Variants in SPOCK1 observed in about 807,000 individuals in gnomAD.
The protein encoded by SPOCK1 is testican-1.
SPOCK1 carries 23 observed loss-of-function variants against 55.3 expected under a neutral mutation model. The observed-to-expected ratio is 0.42, with a 90% confidence interval of 0.30 to 0.59. The LOEUF is 0.59. Among genes scored for constraint, SPOCK1 ranks in the 20% least tolerant of loss-of-function variants. The pLI is 0.22. For synonymous variants in SPOCK1, 226 were observed against 221.0 expected (o/e 1.02, Z -0.20); for missense variants, 499 against 552.5 (o/e 0.90, Z 0.97).
At chr5:136,985,715 G>A (rs1750827362) in intron 8 of SPOCK1, among the ~76,000 whole-genome samples, 2 of 152,172 alleles carry the variant, frequency 1.3e-5, no homozygotes. Context: ...GAAGAGATCT[G>A]GAGAAGCACT....
intron 3 of SPOCK1, among the ~76,000 whole-genome samples, chr5:137,205,106 T>G (rs1179595008): frequency 6.6e-6 from 1 of 152,188 alleles, no homozygotes; most frequent in African/African-American, 2.4e-5. Context: ...TTTTGCTTGT[T>G]TACCAGTTGA....
intron 5 of SPOCK1, among the ~76,000 whole-genome samples, chr5:137,111,469 C>T (rs566035476): frequency 3.5e-4 from 53 of 152,276 alleles, no homozygotes; most frequent in African/African-American, 1.2e-3. Context: ...CCCTGACACA[C>T]GCACCCATAC....
intron 5 of SPOCK1, among the ~76,000 whole-genome samples, chr5:137,096,418 C>T (rs1753148440): frequency 6.6e-6 from 1 of 152,160 alleles, no homozygotes; most frequent in African/African-American, 2.4e-5. Flanking sequence ...GTCTATGGAG[C>T]CCAGCCCTCC....
At chr5:137,421,250 G>T (rs1270019939) in intron 2 of SPOCK1, among the ~76,000 whole-genome samples, 6 of 152,184 alleles carry the variant, frequency 3.9e-5, no homozygotes, top group African/African-American at 1.4e-4. Context: ...GTGTGGTATG[G>T]TGCTGAGAAG....
chr5:137,207,761 A>G lies in SPOCK1; in HGVS notation c.232+59249T>C, dbSNP rs569252520. 7.9e-5 allele frequency among the ~76,000 whole-genome samples: 12 copies of G among 152,306 alleles called. 1 individual carries two copies. The South Asian group carries it at 2.3e-3, about 29-fold the overall frequency. ...GAGGGTTAAATAAGAGGATGCATGTAAAGTCTCAGCCCCGAGCCTGCTCTG... is the reference window on the plus strand; with the variant it reads ...GAGGGTTAAATAAGAGGATGCATGTGAAGTCTCAGCCCCGAGCCTGCTCTG... On this transcript the variant is annotated intron_variant, in intron 3 of 10. Transcript: ENST00000394945.
chr5:136,990,880 T>C (rs1750937092), intron 7 of SPOCK1, among the ~76,000 whole-genome samples: 1 of 152,144 alleles, frequency 6.6e-6, no homozygotes, highest in Admixed American at 6.5e-5. Context: ...TGCCTGCATC[T>C]TGACATCTGT....
chr5:136,977,035 A>G lies in SPOCK1; in HGVS notation c.*1619T>C, dbSNP rs1315162614. ...GCTGAAGTTCATGGGGGAAGGCAAG[A>G]GATAGATATGTGGGCCAGAGAGGCT... On this transcript the variant is annotated 3_prime_UTR_variant, in exon 11 of 11. Transcript: ENST00000394945. The G allele has an allele frequency of 2.0e-5, 3 of 152,262 alleles. No homozygotes were observed. The highest frequency in any genetic ancestry group is 4.4e-5 in the Non-Finnish European group (3 of 68,092). 9.4% of individuals were successfully genotyped at this position (152,262 alleles called of 1,614,324 possible).
At chr5:137,253,225 G>C (rs997920690) in intron 3 of SPOCK1, among the ~76,000 whole-genome samples, 1 of 152,200 alleles carries the variant, frequency 6.6e-6, no homozygotes, top group Non-Finnish European at 1.5e-5. Context: ...CAATAGGTTA[G>C]TTCTAAATTC....
chr5:137,434,666 A>AT (rs1196622655), intron 2 of SPOCK1, among the ~76,000 whole-genome samples: 96 of 146,398 alleles, frequency 6.6e-4, no homozygotes, highest in African/African-American at 1.4e-3. Context: ...CGCCCAGCTA[A>AT]TTTTTTTTTT....
intron 2 of SPOCK1, among the ~76,000 whole-genome samples, chr5:137,448,430 AC>A (rs1007445337): frequency 6.6e-5 from 10 of 152,248 alleles, no homozygotes; most frequent in African/African-American, 2.4e-4. Context: ...GGGCTCTTAG[AC>A]TAGGGAGGAC....
intron 2 of SPOCK1, among the ~76,000 whole-genome samples, chr5:137,483,635 C>A (rs915010691): frequency 6.6e-6 from 1 of 152,176 alleles, no homozygotes. Flanking sequence ...TCAACCTTGA[C>A]CCTAGTGACA....
intron 6 of SPOCK1, among the ~76,000 whole-genome samples, chr5:137,025,536 A>T (rs528896914): frequency 6.6e-6 from 1 of 152,326 alleles, no homozygotes; most frequent in Admixed American, 6.5e-5. Context: ...GGTAAATAAA[A>T]CATAATTCCT....
chr5:137,157,548 A>G (rs1320419927), intron 3 of SPOCK1, among the ~76,000 whole-genome samples: 1 of 152,178 alleles, frequency 6.6e-6, no homozygotes, highest in East Asian at 1.9e-4. Context: ...TCTTCCTCCC[A>G]GTGCTTTTGC....
intron 3 of SPOCK1, among the ~76,000 whole-genome samples, chr5:137,183,859 T>A (rs1340485575): frequency 2.0e-5 from 3 of 152,216 alleles, no homozygotes; most frequent in Non-Finnish European, 2.9e-5. Context: ...TCCAGCTCCA[T>A]TCTTTCCCAG....
chr5:137,010,911 C>G (rs956260951), intron 6 of SPOCK1, among the ~76,000 whole-genome samples: 1 of 152,122 alleles, frequency 6.6e-6, no homozygotes, highest in African/African-American at 2.4e-5. Flanking sequence ...TTTCATGTTT[C>G]TTCGCATATT....
intron 6 of SPOCK1, among the ~76,000 whole-genome samples, chr5:137,067,488 T>C (rs1302163849): frequency 1.3e-5 from 2 of 152,134 alleles, no homozygotes; most frequent in Non-Finnish European, 2.9e-5. Context: ...TAAAAGAACC[T>C]AGTGGATATC....
chr5:137,258,205 A>G (rs576880312), intron 3 of SPOCK1, among the ~76,000 whole-genome samples: 47 of 152,340 alleles, frequency 3.1e-4, no homozygotes, highest in African/African-American at 9.4e-4. Context: ...TGAGGTACCC[A>G]CTTAGGTACA....
Position 137,445,522 on chromosome 5 carries a change from A to C in SPOCK1, c.186+52851T>G, listed in dbSNP as rs576138825. On this transcript the variant is annotated intron_variant, in intron 2 of 10. Coordinates refer to ENST00000394945, the MANE Select transcript of SPOCK1 (RefSeq NM_004598.4). ...AAGAAGTAATGTACAAGGTCCCTGAAGAGTATCATACAAGTGTAAATGAGG... is the reference window on the plus strand; with the variant it reads ...AAGAAGTAATGTACAAGGTCCCTGACGAGTATCATACAAGTGTAAATGAGG... Among the ~76,000 whole-genome samples, 74 of 152,334 alleles carry C rather than the reference A, an allele frequency of 4.9e-4. 1 individual carries two copies. The highest frequency in any genetic ancestry group is 9.4e-4 in the Non-Finnish European group (64 of 68,026).
intron 3 of SPOCK1, among the ~76,000 whole-genome samples, chr5:137,221,118 T>C (rs904100788): frequency 1.3e-5 from 2 of 152,162 alleles, no homozygotes; most frequent in African/African-American, 4.8e-5. Context: ...GGGGGAGGCA[T>C]TCCAATTTTA....
Sources: allele counts gnomAD v4.1 joint callset (sites outside exome capture counted in the v4.1 genomes callset), GRCh38; gene constraint gnomAD v4.1.1; transcripts MANE v1.5; gene names NCBI Gene and HGNC (gene_info 2026-07-23, HGNC 2026-07-21).